Variants in CHID1 observed in about 807,000 individuals in gnomAD.
CHID1 encodes chitinase domain containing 1.
Under a neutral mutation model 55.4 loss-of-function variants are expected in CHID1, and 44 were observed. The ratio of observed to expected loss-of-function variants is 0.79; its 90% CI spans 0.62 to 1.02. The LOEUF is 1.02. CHID1 is among the 50% of genes least tolerant of loss of function. The pLI is 0.00. For missense variants in CHID1, 491 were observed against 515.3 expected (o/e 0.95, Z 0.46); for synonymous variants, 216 against 212.9 (o/e 1.01, Z -0.13).
chr11:895,852 T>C (rs1488931121), intron 7 of CHID1, among the ~76,000 whole-genome samples: 1 of 152,080 alleles, frequency 6.6e-6, no homozygotes, highest in Non-Finnish European at 1.5e-5. Flanking sequence ...GCCTGGATAC[T>C]GCCTGCCCCT....
chr11:883,907 C>T (rs1263209196), intron 9 of CHID1, among the ~76,000 whole-genome samples, 161 bp downstream of exon 9: 2 of 152,228 alleles, frequency 1.3e-5, no homozygotes, highest in Non-Finnish European at 1.5e-5. Context: ...GGTGCAGTCC[C>T]ACTGGCTTCC....
intron 1 of CHID1, among the ~76,000 whole-genome samples, chr11:906,959 C>A (rs1852268895): frequency 6.6e-6 from 1 of 152,158 alleles, no homozygotes; most frequent in Non-Finnish European, 1.5e-5. Context: ...ACCTGGGAAG[C>A]AGAGGTTGCG....
At chr11:897,655 C>T (rs568574241) in intron 7 of CHID1, among the ~76,000 whole-genome samples, 2 of 152,226 alleles carry the variant, frequency 1.3e-5, no homozygotes, top group Admixed American at 1.3e-4. Flanking sequence ...TCCTTACCCC[C>T]ACTGCAGTGC....
chr11:870,563 C>T, intron 10 of CHID1, 64 bp from the exon 11 acceptor site: 2 of 1,222,210 alleles, frequency 1.6e-6, no homozygotes, highest in East Asian at 5.0e-5. Context: ...ACCCTGTACC[C>T]CCAAAGGCTG....
chr11:871,057 C>T (rs1271088279), intron 10 of CHID1, among the ~76,000 whole-genome samples: 3 of 145,110 alleles, frequency 2.1e-5, no homozygotes, highest in Non-Finnish European at 3.0e-5. Context: ...GTCGTGCGAT[C>T]TTGGTTCACT....
upstream of CHID1, among the ~76,000 whole-genome samples, chr11:912,831 C>G (rs1168241335): frequency 1.1e-5 from 1 of 94,430 alleles, no homozygotes; most frequent in Non-Finnish European, 2.2e-5. Context: ...GAGTGAGACT[C>G]TGCCTCAAAA....
chr11:894,670 G>A (rs1212628293), intron 7 of CHID1, among the ~76,000 whole-genome samples: 1 of 152,170 alleles, frequency 6.6e-6, no homozygotes. Flanking sequence ...AGTGGGGCAA[G>A]AGCCGGCCCC....
At chr11:900,824 T>G (rs1367825837) in intron 5 of CHID1, 112 bp downstream of exon 5, 13 of 867,756 alleles carry the variant, frequency 1.5e-5, no homozygotes, top group Non-Finnish European at 1.0e-5. Flanking sequence ...AAGTAACCTG[T>G]GCCGCAGCAG....
At chr11:911,094 G>A (rs12789223), upstream of CHID1, 1 of 152,122 alleles carries the variant, frequency 6.6e-6, no homozygotes, top group African/African-American at 2.4e-5. Flanking sequence ...ACGGCTCTTA[G>A]GCAGGCCTGG....
At chr11:894,430 G>C (rs1027886601) in intron 7 of CHID1, among the ~76,000 whole-genome samples, 2 of 152,202 alleles carry the variant, frequency 1.3e-5, no homozygotes, top group Non-Finnish European at 2.9e-5. Flanking sequence ...ACCCCAGGCC[G>C]GCCGTGTGCA....
rs1282467445 is a variant in CHID1, at chr11:870,168, A to G, written c.1041-5T>C. 1.2e-6 allele frequency: 2 copies of G among 1,613,144 alleles called. No homozygotes were observed. Among genetic ancestry groups the G allele is most frequent in the East Asian group, 2.2e-5 (1 of 44,876 alleles). On this transcript the variant is annotated splice_region_variant and splice_polypyrimidine_tract_variant and intron_variant, in intron 11 of 12. Transcript: ENST00000323578. ...ACGTGCCTCCCACTGCGGCTCCTGC[A>G]AGACAAAGGGACTGTCAGCCCATCC...
rs536483497 is a variant in CHID1 at position 904,607 on chromosome 11, C to T, written c.111+99G>A. On this transcript the variant is annotated intron_variant, in intron 2 of 12. Transcript: ENST00000323578. ...TGCCTTTGTGAGGAGCCAAGCCCCT[C>T]GAGCCTCCTGGCTCACAGGCCCCAG... 6.6e-5 allele frequency: 95 copies of T among 1,439,426 alleles called. 1 individual carries two copies. In the Admixed American group the frequency reaches 8.8e-4, roughly 13 times the overall value. 89.2% of individuals were successfully genotyped at this position (1,439,426 alleles called of 1,614,324 possible).
upstream of CHID1, among the ~76,000 whole-genome samples, chr11:911,902 G>T (rs1397575104): frequency 6.6e-6 from 1 of 152,230 alleles, no homozygotes; most frequent in Non-Finnish European, 1.5e-5. Context: ...GTAAGCTATG[G>T]CAGGTGTCCT....
At chr11:877,443 C>G (rs1336635324) in intron 10 of CHID1, among the ~76,000 whole-genome samples, 2 of 152,176 alleles carry the variant, frequency 1.3e-5, no homozygotes, top group Non-Finnish European at 2.9e-5. Flanking sequence ...GATGGGGTCT[C>G]TCTATTTTGC....
At chr11:905,889 TAAAG>T (rs990856307) in intron 1 of CHID1, among the ~76,000 whole-genome samples, 1 of 151,934 alleles carries the variant, frequency 6.6e-6, no homozygotes, top group Non-Finnish European at 1.5e-5. Flanking sequence ...ATTCAGGAAA[TAAAG>T]AAGGAAATGT....
At chr11:894,042 A>C (rs1851060732) in intron 7 of CHID1, among the ~76,000 whole-genome samples, 1 of 140,586 alleles carries the variant, frequency 7.1e-6, no homozygotes, top group Admixed American at 8.0e-5. Flanking sequence ...GAATTACTTG[A>C]ACCCAGGAGG....
chr11:897,957 G>A (rs1338977165), intron 7 of CHID1, among the ~76,000 whole-genome samples: 3 of 152,164 alleles, frequency 2.0e-5, no homozygotes, highest in Non-Finnish European at 2.9e-5. Context: ...GGGCTCTTCT[G>A]GAGCCGGGGC....
At chr11:884,923 G>A (rs969872829) in intron 8 of CHID1, among the ~76,000 whole-genome samples, 4 of 152,168 alleles carry the variant, frequency 2.6e-5, no homozygotes, top group Non-Finnish European at 5.9e-5. Flanking sequence ...GTGTCTCCTG[G>A]GGCAGCCTTC....
At position 875,534 on chromosome 11, in the gene CHID1, T is replaced by C. The variant is rs1382188942; in HGVS notation, c.960-5035A>G. Among the ~76,000 whole-genome samples the C allele has an allele frequency of 2.0e-5, 3 of 152,116 alleles. No individual in the cohort carries two copies. The highest frequency in any genetic ancestry group is 4.4e-5 in the Non-Finnish European group (3 of 68,006). The stretch of plus-strand genomic sequence containing the variant: ...TGGAGAAGACCTGGCTCCTCGTCAC[T>C]GGCTATCGGAGAGCGCTGGGGTGTT... On this transcript the variant is annotated intron_variant, in intron 10 of 12. Coordinates refer to ENST00000323578, the MANE Select transcript of CHID1 (RefSeq NM_023947.4). This position sits in a 1 kb window ranked among gnomAD's most constrained non-coding sequence, Gnocchi z 4.7.
Sources: gnomAD v4.1 joint callset for allele counts (sites outside exome capture counted in the v4.1 genomes callset) on GRCh38, gnomAD v4.1.1 for gene constraint, Gnocchi (gnomAD v3.1) non-coding constraint, MANE v1.5 for transcripts, NCBI Gene and HGNC (gene_info 2026-07-23, HGNC 2026-07-21) for gene names.